The following FN1 variants were observed in gnomAD, a reference collection of about 807,000 sequenced individuals.
The protein encoded by FN1 is fibronectin 1.
Under a neutral mutation model 297.3 loss-of-function variants are expected in FN1, and 106 were observed. That is an observed-to-expected ratio of 0.36 (90% CI 0.30 to 0.42). The LOEUF is 0.42. Ranked by LOEUF, FN1 falls within the 10% of genes least tolerant of loss-of-function variation. The probability of loss-of-function intolerance (pLI) is 1.00; values close to 1 mark genes in which losing one functional copy is unlikely to be tolerated. For missense variants in FN1, 2,690 were observed against 3,124.9 expected (o/e 0.86, Z 3.32); for synonymous variants, 1,149 against 1,152.6 (o/e 1.00, Z 0.06).
intron 40 of FN1, 101 bp downstream of exon 40, chr2:215,371,808 C>T (rs967057726): frequency 1.4e-5 from 14 of 1,029,370 alleles, no homozygotes; most frequent in Admixed American, 7.4e-5. Context: ...CCATCACACC[C>T]GGCCATGAAG....
chr2:215,378,831 G>A (rs2105911880), intron 34 of FN1, among the ~76,000 whole-genome samples: 1 of 152,206 alleles, frequency 6.6e-6, no homozygotes, highest in Non-Finnish European at 1.5e-5. Flanking sequence ...TAACTAAGTC[G>A]ATTTATGCAT....
At position 215,375,352 on chromosome 2, in the gene FN1, G is replaced by T; in HGVS notation, c.6019C>A (p.Pro2007Thr). The T allele has an allele frequency of 4.3e-6, 7 of 1,614,150 alleles. No individual in the cohort carries two copies. Among genetic ancestry groups the T allele is most frequent in the Non-Finnish European group, 5.9e-6 (7 of 1,180,022 alleles). ...TGCCATGATACCAGCAAGGAATTGG[G>T]TGTGGTGGCCAGGAAACGCAGGTTG... ...PSNLRFLATT[P>T]NSLLVSWQPP... The change falls in exon 38 of 46, where the codon CCC becomes ACC. Residue 2007 changes from proline to threonine, a missense_variant. Physicochemically the swap from Pro to Thr is conservative, Grantham distance 38. Coordinates refer to ENST00000354785, the MANE Select transcript of FN1 (RefSeq NM_212482.4).
Position 215,375,392 on chromosome 2 carries a change from G to T in FN1, c.5979C>A (p.Ala1993=). The change falls in exon 38 of 46, where the codon GCC becomes GCA. Residue 1993 remains alanine (A), a splice_region_variant and synonymous_variant. Coordinates refer to ENST00000354785, the MANE Select transcript of FN1 (RefSeq NM_212482.4). ...AACGCAGGTTGGATGGTGCATCAAT[G>T]GCTGAAAGAAAACAAAATTAAGTCT... The part of the protein sequence containing the change: ...SSPVVIDAST[A]IDAPSNLRFL... 6.3e-7 allele frequency: 1 copy of T among 1,599,720 alleles called. No individual in the cohort carries two copies. Among genetic ancestry groups the T allele is most frequent in the East Asian group, 2.4e-5 (1 of 41,762 alleles).
intron 21 of FN1, among the ~76,000 whole-genome samples, chr2:215,398,773 C>T (rs2060619781): frequency 6.6e-6 from 1 of 152,128 alleles, no homozygotes; most frequent in Non-Finnish European, 1.5e-5. Flanking sequence ...ACAGGGAAAC[C>T]TTAATCTTAA....
chr2:215,385,778 CTTTTT>C (rs200573591), intron 28 of FN1, among the ~76,000 whole-genome samples: 2 of 120,402 alleles, frequency 1.7e-5, no homozygotes, highest in Non-Finnish European at 3.5e-5. Context: ...AGTTTTCCAC[CTTTTT>C]TTTTTTTTTT....
At chr2:215,429,002 G>A (rs1304565454) in intron 5 of FN1, among the ~76,000 whole-genome samples, 10 of 151,990 alleles carry the variant, frequency 6.6e-5, no homozygotes, top group Admixed American at 6.6e-4. Flanking sequence ...GCGACAGGGT[G>A]AGACTGTCTC....
intron 40 of FN1, 48 bp downstream of exon 40, chr2:215,371,861 A>G: frequency 6.6e-7 from 1 of 1,524,750 alleles, no homozygotes; most frequent in Non-Finnish European, 9.1e-7. Context: ...TACCTAACTT[A>G]TTCCTTTCTG....
At chr2:215,416,035 T>G (rs1261661498) in intron 12 of FN1, among the ~76,000 whole-genome samples, 1 of 152,178 alleles carries the variant, frequency 6.6e-6, no homozygotes, top group Non-Finnish European at 1.5e-5. Context: ...TATTAACAGA[T>G]TTAAGTTTTC....
rs370475529 is a variant in FN1 at position 215,384,093 on chromosome 2, G to A, written c.4821C>T (p.Ile1607=). The change falls in exon 30 of 46, where the codon ATC becomes ATT. Residue 1607 remains isoleucine (I), a synonymous_variant. Coordinates refer to ENST00000354785, the MANE Select transcript of FN1 (RefSeq NM_212482.4). ...SGLKPGVDYT[I]TVYAVTGRGD... is the part of the protein sequence containing the mutation. ...CACGGCCAGTGACAGCATACACAGT[G>A]ATGGTATAATCAACTCCAGGTTTAA... 4 of 1,614,008 alleles carry A rather than the reference G, an allele frequency of 2.5e-6. No individual in the cohort carries two copies. In the African/African-American group the frequency reaches 4.0e-5, roughly 16 times the overall value.
At chr2:215,369,696 A>G (rs2055440596) in intron 41 of FN1, among the ~76,000 whole-genome samples, 1 of 152,198 alleles carries the variant, frequency 6.6e-6, no homozygotes, top group Non-Finnish European at 1.5e-5. Context: ...AGAGTTAATG[A>G]TCTTTTAACC....
intron 42 of FN1, 40 bp downstream of exon 42, chr2:215,367,823 G>C (rs915973055): frequency 6.2e-6 from 10 of 1,607,542 alleles, no homozygotes; most frequent in Non-Finnish European, 8.5e-6. Flanking sequence ...GGAACTTGAG[G>C]AGACAAACAC....
rs2062035043 is a variant in FN1, at chr2:215,408,086, AAG to A, written c.2518+20_2518+21del. The A allele has an allele frequency of 6.3e-7, 1 of 1,593,960 alleles. No homozygotes were observed. The highest frequency in any genetic ancestry group is 1.3e-5 in the African/African-American group (1 of 74,412). On this transcript the variant is annotated intron_variant, in intron 17 of 45. Coordinates refer to ENST00000354785, the MANE Select transcript of FN1 (RefSeq NM_212482.4). ...GTCATTAAGATTAACATAGCAGCCA[AAG>A]AGGGGGACGCTTAGCTGACCTGTGA...
intron 26 of FN1, among the ~76,000 whole-genome samples, chr2:215,389,732 G>A (rs1397869727): frequency 6.6e-6 from 1 of 152,190 alleles, no homozygotes; most frequent in Non-Finnish European, 1.5e-5. Flanking sequence ...GGAGGTTGCA[G>A]TGAGCCCAGA....
In FN1 at chr2:215,428,187, T is replaced by C. The variant is rs777520514; in HGVS notation, c.837A>G (p.Thr279=). The change falls in exon 6 of 46, where the codon ACA becomes ACG. Residue 279 remains threonine (T), a synonymous_variant. Coordinates refer to ENST00000354785, the MANE Select transcript of FN1 (RefSeq NM_212482.4). ...KCERHTSVQT[T]SSGSGPFTDV... is the part of the protein sequence containing the mutation. ...GCTCGTCCTGTGCCTCACCGCTCGATGTGGTCTGCACAGAGGTGTGCCTCT... is the reference window on the plus strand; with the variant it reads ...GCTCGTCCTGTGCCTCACCGCTCGACGTGGTCTGCACAGAGGTGTGCCTCT... 13 of 1,614,136 alleles carry C rather than the reference T, an allele frequency of 8.1e-6. No homozygotes were observed. The South Asian group carries it at 1.3e-4, about 16-fold the overall frequency.
rs760415059 is a variant in FN1 at position 215,361,223 on chromosome 2, A to G, written c.*332T>C. The G allele has an allele frequency of 8.1e-5, 24 of 297,554 alleles. No homozygotes were observed. The highest frequency in any genetic ancestry group is 4.9e-4 in the African/African-American group (23 of 46,522). 18.4% of individuals were successfully genotyped at this position (297,554 alleles called of 1,614,324 possible). ...TCCTACTTAAAATTTTGGTCATATC[A>G]TTTCAAAACATTTGCATCTTGGTTG... On this transcript the variant is annotated 3_prime_UTR_variant, in exon 46 of 46. Coordinates refer to ENST00000354785, the MANE Select transcript of FN1 (RefSeq NM_212482.4).
intron 13 of FN1, among the ~76,000 whole-genome samples, chr2:215,412,156 G>A (rs1035153739): frequency 2.6e-5 from 4 of 151,310 alleles, no homozygotes; most frequent in African/African-American, 4.9e-5. Flanking sequence ...GCCAGATTAT[G>A]GACATAGGGT....
intron 5 of FN1, among the ~76,000 whole-genome samples, chr2:215,430,326 G>A (rs1357701557): frequency 6.6e-6 from 1 of 152,180 alleles, no homozygotes; most frequent in Non-Finnish European, 1.5e-5. Context: ...CTAATCAAAT[G>A]CGTTAGGTCA....
chr2:215,399,431 A>G, intron 20 of FN1, 80 bp from the exon 21 acceptor site: 1 of 969,490 alleles, frequency 1.0e-6, no homozygotes, highest in Non-Finnish European at 1.7e-6. Context: ...AAGTATTTTT[A>G]TGGAGAACCT....
intron 6 of FN1, among the ~76,000 whole-genome samples, chr2:215,426,502 C>G (rs1454079961): frequency 6.6e-6 from 1 of 152,114 alleles, no homozygotes; most frequent in Non-Finnish European, 1.5e-5. Flanking sequence ...GGGCCCACCG[C>G]AGAACAGAAT....
Sources: gnomAD v4.1 joint callset for allele counts (sites outside exome capture counted in the v4.1 genomes callset) on GRCh38, gnomAD v4.1.1 for gene constraint, MANE v1.5 for transcripts, NCBI Gene and HGNC (gene_info 2026-07-23, HGNC 2026-07-21) for gene names.